LDB2: variants seen among roughly 807,000 people sequenced by gnomAD.
The protein encoded by LDB2 is LIM domain binding 2, also known as LIM domain-binding protein 2.
Under a neutral mutation model 44.3 loss-of-function variants are expected in LDB2, and 12 were observed. That is an observed-to-expected ratio of 0.27 (90% CI 0.17 to 0.44). The LOEUF is 0.44. LDB2 is among the 20% of genes least tolerant of loss of function. LDB2 has a pLI of 1.00. For synonymous variants in LDB2, 164 were observed against 174.8 expected, an observed-to-expected ratio of 0.94 and a Z score of 0.49; for missense variants, 344 against 473.5, an observed-to-expected ratio of 0.73 and a Z score of 2.54.
At chr4:16,651,765 G>C (rs1041538303) in intron 2 of LDB2, among the ~76,000 whole-genome samples, 1 of 151,972 alleles carries the variant, frequency 6.6e-6, no homozygotes, top group Admixed American at 6.6e-5. Context: ...GTTGGAAAAG[G>C]GATCAACATA....
At chr4:16,648,739 C>A (rs577916171) in intron 2 of LDB2, among the ~76,000 whole-genome samples, 2 of 152,028 alleles carry the variant, frequency 1.3e-5, no homozygotes, top group Admixed American at 6.6e-5. Flanking sequence ...TTTTTTTGCT[C>A]CCTTAAAATT....
At chr4:16,896,860 A>G (rs1295586429) in intron 1 of LDB2, among the ~76,000 whole-genome samples, 2 of 152,210 alleles carry the variant, frequency 1.3e-5, no homozygotes, top group African/African-American at 4.8e-5. Context: ...ACACACACAA[A>G]GCAACATACA....
intron 1 of LDB2, among the ~76,000 whole-genome samples, chr4:16,852,271 A>G (rs1430014279): frequency 2.6e-5 from 4 of 152,142 alleles, no homozygotes; most frequent in African/African-American, 9.7e-5. Context: ...TAAAATTACC[A>G]AGGTATCCTG....
chr4:16,719,249 T>G (rs551493576), intron 2 of LDB2, among the ~76,000 whole-genome samples: 1 of 152,222 alleles, frequency 6.6e-6, no homozygotes, highest in Non-Finnish European at 1.5e-5. Context: ...GATTACTCCT[T>G]CAGTAAAGGC....
intron 5 of LDB2, among the ~76,000 whole-genome samples, chr4:16,552,646 G>C (rs1031064769): frequency 2.0e-5 from 3 of 152,160 alleles, no homozygotes; most frequent in African/African-American, 7.2e-5. Flanking sequence ...GAAGCACAAA[G>C]TTCCCGGAAG....
chr4:16,528,364 A>C (rs1560373074), intron 5 of LDB2, among the ~76,000 whole-genome samples: 1 of 152,244 alleles, frequency 6.6e-6, no homozygotes, highest in East Asian at 1.9e-4. Context: ...TGGAAATAAA[A>C]AATATTTTAA....
intron 2 of LDB2, among the ~76,000 whole-genome samples, chr4:16,754,676 C>T (rs999869322): frequency 1.3e-5 from 2 of 152,028 alleles, no homozygotes; most frequent in Admixed American, 6.6e-5. Flanking sequence ...GGACTACAGA[C>T]GCATGCCACC....
At chr4:16,798,212 C>G (rs1777110562) in intron 1 of LDB2, among the ~76,000 whole-genome samples, 4 of 152,036 alleles carry the variant, frequency 2.6e-5, no homozygotes, top group Non-Finnish European at 5.9e-5. Flanking sequence ...CTCAAAATGA[C>G]TTTTTGAGGG....
intron 5 of LDB2, among the ~76,000 whole-genome samples, chr4:16,567,785 A>C (rs1171353038): frequency 6.6e-6 from 1 of 152,214 alleles, no homozygotes; most frequent in Non-Finnish European, 1.5e-5. Context: ...CAAAACAAAA[A>C]AAAGTTTACA....
chr4:16,659,689 A>ATATATATATATATATATATATATATG lies in LDB2; in HGVS notation c.236-63815_236-63814insCATATATATATATATATATATATATA, dbSNP rs1310756163. Among the ~76,000 whole-genome samples the ATATATATATATATATATATATATATG allele has an allele frequency of 8.0e-3, 1,120 of 139,230 alleles. 16 individuals carry two copies. Among genetic ancestry groups the ATATATATATATATATATATATATATG allele is most frequent in the East Asian group, 0.018 (76 of 4,252 alleles). 91.3% of individuals were successfully genotyped at this position (139,230 alleles called of 152,430 possible). A position where few individuals can be genotyped will look rare whatever the true frequency, so the allele number is the denominator to read the frequency against. On this transcript the variant is annotated intron_variant, in intron 2 of 7. Coordinates refer to ENST00000304523, the MANE Select transcript of LDB2 (RefSeq NM_001290.5). ...TATGTGTGTATATATATATATATAT[A>ATATATATATATATATATATATATATG]TATGTATGTATGTATATATGTAACA...
At chr4:16,867,423 C>T (rs1042097524) in intron 1 of LDB2, among the ~76,000 whole-genome samples, 1 of 152,268 alleles carries the variant, frequency 6.6e-6, no homozygotes, top group Non-Finnish European at 1.5e-5. Flanking sequence ...ACAAAGGAAT[C>T]TGTCACAGAG....
chr4:16,723,022 C>G (rs561534423), intron 2 of LDB2, among the ~76,000 whole-genome samples: 2 of 152,272 alleles, frequency 1.3e-5, no homozygotes, highest in Non-Finnish European at 2.9e-5. Flanking sequence ...ACAGTGTACT[C>G]AACTTATGAT....
chr4:16,816,366 C>A (rs1436491169), intron 1 of LDB2, among the ~76,000 whole-genome samples: 2 of 150,516 alleles, frequency 1.3e-5, no homozygotes, highest in African/African-American at 4.9e-5. Flanking sequence ...CACTTTTCTT[C>A]AATTATATCT....
At chr4:16,665,268 C>CA (rs1553950467) in intron 2 of LDB2, among the ~76,000 whole-genome samples, 6 of 127,228 alleles carry the variant, frequency 4.7e-5, no homozygotes, top group South Asian at 2.4e-4. Flanking sequence ...TTTTTCATTT[C>CA]TTTTTTTTTT....
chr4:16,762,384 T>C (rs1375061087), intron 1 of LDB2, among the ~76,000 whole-genome samples: 2 of 152,228 alleles, frequency 1.3e-5, no homozygotes, highest in Non-Finnish European at 2.9e-5. Context: ...GGATCCCCTC[T>C]GTATTAATTC....
At chr4:16,562,615 G>A (rs1206786801) in intron 5 of LDB2, among the ~76,000 whole-genome samples, 1 of 152,208 alleles carries the variant, frequency 6.6e-6, no homozygotes, top group African/African-American at 2.4e-5. Flanking sequence ...TACACTGTTG[G>A]TGGGACTGTA....
chr4:16,868,478 C>A (rs1715423598), intron 1 of LDB2, among the ~76,000 whole-genome samples: 1 of 152,208 alleles, frequency 6.6e-6, no homozygotes, highest in South Asian at 2.1e-4. Context: ...ATCACCCCCA[C>A]CCAACCCCTT....
chr4:16,524,392 A>G (rs1287181131), intron 5 of LDB2, among the ~76,000 whole-genome samples: 2 of 152,216 alleles, frequency 1.3e-5, no homozygotes, highest in African/African-American at 4.8e-5. Context: ...GTTGAGACAT[A>G]CAAAGATGAA....
chr4:16,750,886 T>C (rs1579322251), intron 2 of LDB2: 1 of 152,280 alleles, frequency 6.6e-6, no homozygotes, highest in Non-Finnish European at 1.5e-5. Flanking sequence ...GTAGAACAGT[T>C]CTCTTCTCCA....
Sources: allele counts gnomAD v4.1 joint callset (sites outside exome capture counted in the v4.1 genomes callset), GRCh38; gene constraint gnomAD v4.1.1; transcripts MANE v1.5; gene names NCBI Gene and HGNC (gene_info 2026-07-23, HGNC 2026-07-21).